The following PCDH15 variants were observed in gnomAD, a reference collection of about 807,000 sequenced individuals.
PCDH15 encodes the protein protocadherin-15.
In PCDH15, 129 loss-of-function variants were observed where a neutral mutation model predicts 178.5. The observed-to-expected ratio is 0.72, with a 90% CI of 0.63 to 0.84. The LOEUF (loss-of-function observed/expected upper bound fraction) is 0.84. Among genes scored for constraint, PCDH15 ranks in the 40% least tolerant of loss-of-function variants. PCDH15 has a pLI of 0.00. For synonymous variants in PCDH15, 800 were observed against 732.0 expected, an observed-to-expected ratio of 1.09 and a Z score of -1.50; for missense variants, 2,230 against 2,099.9, an observed-to-expected ratio of 1.06 and a Z score of -1.21.
intron 1 of PCDH15, among the ~76,000 whole-genome samples, chr10:55,273,644 C>A (rs1272383817): frequency 6.6e-6 from 1 of 152,038 alleles, no homozygotes; most frequent in South Asian, 2.1e-4. Context: ...ATTATCACTG[C>A]TTGGGACATC....
intron 1 of PCDH15, among the ~76,000 whole-genome samples, chr10:55,224,089 C>A (rs1840960167): frequency 6.6e-6 from 1 of 151,864 alleles, no homozygotes; most frequent in South Asian, 2.1e-4. Flanking sequence ...CTATTTCAGC[C>A]CCTTGGGAGG....
chr10:55,278,693 A>T (rs1366495965), intron 1 of PCDH15, among the ~76,000 whole-genome samples: 2 of 152,230 alleles, frequency 1.3e-5, no homozygotes, highest in African/African-American at 4.8e-5. Context: ...GATGGTTCTT[A>T]TTTGAAATAT....
chr10:55,167,299 A>T (rs148806335), intron 1 of PCDH15, among the ~76,000 whole-genome samples: 1 of 151,954 alleles, frequency 6.6e-6, no homozygotes, highest in Admixed American at 6.6e-5. Context: ...TTTTTTGTAC[A>T]GTTTCGTAGT....
intron 1 of PCDH15, among the ~76,000 whole-genome samples, chr10:54,704,377 C>A: frequency 6.6e-6 from 1 of 152,072 alleles, no homozygotes. Flanking sequence ...TAGTGTAAAC[C>A]TACAGAATGG....
intron 25 of PCDH15, among the ~76,000 whole-genome samples, chr10:53,907,457 T>G (rs2082755688): frequency 6.6e-6 from 1 of 152,140 alleles, no homozygotes; most frequent in Non-Finnish European, 1.5e-5. Flanking sequence ...ACAATGCAAG[T>G]ATTGGAAAGA....
chr10:54,182,080 C>G (rs995759140), intron 13 of PCDH15, among the ~76,000 whole-genome samples: 2 of 152,162 alleles, frequency 1.3e-5, no homozygotes, highest in Non-Finnish European at 2.9e-5. Context: ...GCCTCAGCCT[C>G]CCGAGTAGCT....
intron 1 of PCDH15, among the ~76,000 whole-genome samples, chr10:55,234,365 G>C (rs959398935): frequency 1.3e-5 from 2 of 151,874 alleles, no homozygotes; most frequent in Non-Finnish European, 2.9e-5. Flanking sequence ...CATTTTTAAT[G>C]AGTTAATATG....
intron 26 of PCDH15, among the ~76,000 whole-genome samples, chr10:53,889,199 T>G (rs2133453682): frequency 6.6e-6 from 1 of 151,974 alleles, no homozygotes; most frequent in African/African-American, 2.4e-5. Flanking sequence ...TTGCTCAACA[T>G]GAAAAAATAA....
intron 3 of PCDH15, among the ~76,000 whole-genome samples, chr10:54,823,206 AACACAC>A (rs4007188): frequency 2.0e-5 from 3 of 149,014 alleles, no homozygotes; most frequent in Non-Finnish European, 4.5e-5. Context: ...CACCAGCATA[AACACAC>A]ACACACACAC....
intron 2 of PCDH15, among the ~76,000 whole-genome samples, chr10:55,044,239 C>G (rs936961682): frequency 6.6e-6 from 1 of 152,238 alleles, no homozygotes; most frequent in South Asian, 2.1e-4. Flanking sequence ...GCACCATAGT[C>G]TTTCAGATGT....
At chr10:54,162,040 A>G (rs151161981) in intron 13 of PCDH15, among the ~76,000 whole-genome samples, 2 of 152,286 alleles carry the variant, frequency 1.3e-5, no homozygotes, top group African/African-American at 4.8e-5. Context: ...TTATACCTTA[A>G]TAAAGTTATC....
At chr10:54,623,886 C>T (rs7922293) in intron 2 of PCDH15, among the ~76,000 whole-genome samples, 72,560 of 151,788 alleles carry the variant, frequency 0.48, 18,304 homozygotes, top group Non-Finnish European at 0.56. Context: ...TTGTCATGAA[C>T]AGGAAGATTT....
At chr10:54,160,186 C>G (rs1381299816) in intron 13 of PCDH15, among the ~76,000 whole-genome samples, 2 of 152,020 alleles carry the variant, frequency 1.3e-5, no homozygotes, top group African/African-American at 2.4e-5. Context: ...CATGCCCCCC[C>G]CAACAAGCTG....
chr10:54,985,951 T>C (rs991405648), intron 2 of PCDH15, among the ~76,000 whole-genome samples: 9 of 152,216 alleles, frequency 5.9e-5, no homozygotes, highest in Admixed American at 5.9e-4. Context: ...CTTAGAGTCA[T>C]GTGATTTAAA....
At chr10:54,908,224 G>A (rs1289468923) in intron 2 of PCDH15, among the ~76,000 whole-genome samples, 2 of 152,204 alleles carry the variant, frequency 1.3e-5, no homozygotes, top group Admixed American at 6.5e-5. Context: ...GGCAAGGGGT[G>A]TATGAGTGGG....
At chr10:53,970,583 A>G (rs71490986) in intron 21 of PCDH15, among the ~76,000 whole-genome samples, 2 of 152,116 alleles carry the variant, frequency 1.3e-5, no homozygotes, top group Non-Finnish European at 2.9e-5. Flanking sequence ...TCAAATAGAC[A>G]CAATAAAAAA....
intron 1 of PCDH15, among the ~76,000 whole-genome samples, chr10:54,758,354 A>T (rs1408769520): frequency 1.3e-5 from 2 of 152,170 alleles, no homozygotes; most frequent in Non-Finnish European, 2.9e-5. Flanking sequence ...TGCAGACCCC[A>T]GCCAGCCACA....
At position 55,075,757 on chromosome 10, in the gene PCDH15, T is replaced by C. The variant is rs555050170; in HGVS notation, c.-80+90819A>G. On this transcript the variant is annotated intron_variant, in intron 2 of 5. Coordinates refer to the PCDH15 transcript ENST00000458638. ...TCATTTACTTCTGCTCTGATCTTTATTGTATCTTTTCTTTTGCTAACTTTG... is the reference window on the plus strand; with the variant it reads ...TCATTTACTTCTGCTCTGATCTTTACTGTATCTTTTCTTTTGCTAACTTTG... Among the ~76,000 whole-genome samples, 7 of 152,196 alleles carry C rather than the reference T, an allele frequency of 4.6e-5. No individual in the cohort carries two copies. In the South Asian group the frequency reaches 8.3e-4, roughly 18 times the overall value.
intron 16 of PCDH15, among the ~76,000 whole-genome samples, chr10:54,084,054 ACTGT>A (rs2094476441): frequency 6.7e-6 from 1 of 150,102 alleles, no homozygotes; most frequent in Non-Finnish European, 1.5e-5. Context: ...ACAGTGAAAC[ACTGT>A]CTCTCTCTTT....
Sources: gnomAD v4.1 joint callset for allele counts (sites outside exome capture counted in the v4.1 genomes callset) on GRCh38, gnomAD v4.1.1 for gene constraint, MANE v1.5 for transcripts, NCBI Gene and HGNC (gene_info 2026-07-23, HGNC 2026-07-21) for gene names.